Variants in TTC28 observed in about 807,000 individuals in gnomAD.
TTC28 encodes the protein tetratricopeptide repeat domain 28.
In TTC28, 61 loss-of-function variants were observed where a neutral mutation model predicts 198.0. The ratio of observed to expected loss-of-function variants is 0.31; its 90% CI spans 0.25 to 0.38. The LOEUF (loss-of-function observed/expected upper bound fraction) is 0.38, where lower values mean the gene tolerates loss of function less well. Ranked by LOEUF, TTC28 falls within the 10% of genes least tolerant of loss-of-function variation. The pLI, the probability that TTC28 is intolerant of heterozygous loss-of-function variation, is 1.00. For missense variants in TTC28, 2,678 were observed against 3,164.0 expected, an observed-to-expected ratio of 0.85 and a Z score of 3.69; for synonymous variants, 1,171 against 1,297.8, an observed-to-expected ratio of 0.90 and a Z score of 2.10.
chr22:28,452,593 T>C (rs1466177619), intron 2 of TTC28, among the ~76,000 whole-genome samples: 1 of 152,056 alleles, frequency 6.6e-6, no homozygotes, highest in Non-Finnish European at 1.5e-5. Context: ...TATGAATTCA[T>C]AAGCAATCAA....
intron 2 of TTC28, among the ~76,000 whole-genome samples, chr22:28,394,803 T>A (rs1359223184): frequency 1.3e-5 from 2 of 152,194 alleles, no homozygotes; most frequent in African/African-American, 4.8e-5. Context: ...AGCATTTCAA[T>A]AACGTATGAA....
chr22:28,381,699 T>A (rs1569293953), intron 2 of TTC28, among the ~76,000 whole-genome samples: 3 of 152,162 alleles, frequency 2.0e-5, no homozygotes, highest in Admixed American at 1.3e-4. Context: ...ATCCAGTATT[T>A]TATTGGAAAT....
rs184977273 is a variant in TTC28 at position 28,258,831 on chromosome 22, T to C, written c.933+37367A>G. 3.3e-5 allele frequency among the ~76,000 whole-genome samples: 5 copies of C among 152,084 alleles called. No homozygotes were observed. In the East Asian group the frequency reaches 7.7e-4, roughly 23 times the overall value. ...CAAGAGCTGATGAAGAAGAGGGACA[T>C]AGAAAACACATTTGTTGAGGTGTAG... is the stretch of plus-strand genomic sequence containing the variant. On this transcript the variant is annotated intron_variant, in intron 5 of 22. Transcript: ENST00000397906.
chr22:28,584,516 A>C (rs1201351823), intron 2 of TTC28, among the ~76,000 whole-genome samples: 1 of 152,224 alleles, frequency 6.6e-6, no homozygotes, highest in East Asian at 1.9e-4. Context: ...GGAAGATTCT[A>C]TATCTAAGCT....
At chr22:28,570,538 G>A (rs954796905) in intron 2 of TTC28, among the ~76,000 whole-genome samples, 2 of 152,074 alleles carry the variant, frequency 1.3e-5, no homozygotes, top group Non-Finnish European at 2.9e-5. Flanking sequence ...CAGACACTGG[G>A]GCCTGCTTGA....
chr22:28,612,868 T>G (rs5762720), intron 2 of TTC28, among the ~76,000 whole-genome samples: 6 of 151,960 alleles, frequency 3.9e-5, no homozygotes, highest in African/African-American at 1.5e-4. Context: ...TAAATGCCCA[T>G]GAGAAAAAGC....
intron 2 of TTC28, among the ~76,000 whole-genome samples, chr22:28,357,515 T>A (rs1449708526): frequency 6.6e-6 from 1 of 151,982 alleles, no homozygotes; most frequent in Non-Finnish European, 1.5e-5. Context: ...CTCACTATGT[T>A]GCCCAGGCTG....
At chr22:28,392,300 TCTGTGCC>T (rs2046738257) in intron 2 of TTC28, among the ~76,000 whole-genome samples, 1 of 152,198 alleles carries the variant, frequency 6.6e-6, no homozygotes, top group African/African-American at 2.4e-5. Flanking sequence ...TTTTTGTTTG[TCTGTGCC>T]CTGCCCCCAG....
At chr22:28,641,511 G>A (rs1286802649) in intron 1 of TTC28, among the ~76,000 whole-genome samples, 1 of 152,192 alleles carries the variant, frequency 6.6e-6, no homozygotes, top group Non-Finnish European at 1.5e-5. Context: ...GATGGAAGGA[G>A]AGGAAAATGA....
At chr22:28,502,051 A>G (rs2048544765) in intron 2 of TTC28, among the ~76,000 whole-genome samples, 1 of 152,184 alleles carries the variant, frequency 6.6e-6, no homozygotes, top group South Asian at 2.1e-4. Context: ...TAAGACTTAC[A>G]TGGTTAATAT....
chr22:28,611,552 C>T, intron 2 of TTC28, among the ~76,000 whole-genome samples: 1 of 142,716 alleles, frequency 7.0e-6, no homozygotes, highest in Admixed American at 7.2e-5. Flanking sequence ...TACATGTGCA[C>T]ATTGTGCAGG....
At chr22:28,322,642 T>C (rs1405871483) in intron 2 of TTC28, among the ~76,000 whole-genome samples, 2 of 152,220 alleles carry the variant, frequency 1.3e-5, no homozygotes, top group Non-Finnish European at 2.9e-5. Flanking sequence ...TCAGCCCTAT[T>C]CTGGCACTGA....
At chr22:28,000,192 A>G (rs1937633660) in intron 15 of TTC28, 1 of 152,236 alleles carries the variant, frequency 6.6e-6, no homozygotes, top group Admixed American at 6.5e-5. Flanking sequence ...GACCTAGAGA[A>G]AATAACTTCT....
intron 19 of TTC28, 98 bp downstream of exon 19, chr22:27,992,489 G>T: frequency 8.2e-7 from 1 of 1,212,880 alleles, no homozygotes; most frequent in South Asian, 1.4e-5. Context: ...CGGTGAGACT[G>T]CATTCACTTA....
chr22:27,991,985 C>T (rs913463644), intron 19 of TTC28, among the ~76,000 whole-genome samples: 8 of 152,192 alleles, frequency 5.3e-5, no homozygotes, highest in African/African-American at 1.9e-4. Context: ...ATCAAAGAAG[C>T]GTGGGAACAC....
chr22:28,464,915 T>C (rs2047997538), intron 2 of TTC28, among the ~76,000 whole-genome samples: 2 of 152,192 alleles, frequency 1.3e-5, no homozygotes, highest in Non-Finnish European at 2.9e-5. Context: ...TTAAGCCAGA[T>C]TTCAACTCAC....
In TTC28 at chr22:28,030,209, A is replaced by C; in HGVS notation, c.4073+17T>G. On this transcript the variant is annotated intron_variant, in intron 13 of 22. Transcript: ENST00000397906. ...CCCTGCCCTGCACTGGGCCTGGGGA[A>C]AGCGCCCCACACTCACCTGTTAAAC... 1 of 1,551,314 alleles carries C rather than the reference A, an allele frequency of 6.4e-7. No individual in the cohort carries two copies. The highest frequency in any genetic ancestry group is 1.2e-5 in the South Asian group (1 of 84,024).
chr22:28,297,288 T>A (rs1478219729), intron 4 of TTC28, among the ~76,000 whole-genome samples: 1 of 151,934 alleles, frequency 6.6e-6, no homozygotes, highest in Non-Finnish European at 1.5e-5. Context: ...CATAGCTAAG[T>A]GTAACTTTGA....
At position 28,023,687 on chromosome 22, in the gene TTC28, T is replaced by C. The variant is rs376518215; in HGVS notation, c.4073+6539A>G. On this transcript the variant is annotated intron_variant, in intron 13 of 22. Transcript: ENST00000397906. ...AGACAGAATATGCTGCCTCAGGAGG[T>C]AGTAAGCTCCCTGTCATGGGAGGAA... 7.6e-4 allele frequency among the ~76,000 whole-genome samples: 115 copies of C among 151,928 alleles called. 4 individuals are homozygous for C. The South Asian group carries it at 0.023, about 31-fold the overall frequency.
Sources: allele counts gnomAD v4.1 joint callset (sites outside exome capture counted in the v4.1 genomes callset), GRCh38; gene constraint gnomAD v4.1.1; transcripts MANE v1.5; gene names NCBI Gene and HGNC (gene_info 2026-07-23, HGNC 2026-07-21).